The following OR10H1 variants were observed in gnomAD, a reference collection of about 807,000 sequenced individuals.
The protein encoded by OR10H1 is olfactory receptor family 10 subfamily H member 1.
OR10H1 carries 12 observed loss-of-function variants against 13.1 expected under a neutral mutation model. The observed-to-expected ratio is 0.92, with a 90% confidence interval of 0.59 to 1.48. The LOEUF (loss-of-function observed/expected upper bound fraction) is 1.48. Among genes scored for constraint, OR10H1 ranks in the 40% most tolerant of loss-of-function variants. OR10H1 has a pLI of 0.00. For missense variants in OR10H1, 363 were observed against 413.1 expected, an observed-to-expected ratio of 0.88 and a Z score of 1.05; for synonymous variants, 168 against 175.6, an observed-to-expected ratio of 0.96 and a Z score of 0.34.
Position 15,812,663 on chromosome 19 carries a change from G to A in OR10H1, c.-562C>T, listed in dbSNP as rs1207507308. ...AGGAAGGAAGAAAGGGAGGGAGGGA[G>A]GCAGGAAGGAAGGAAGGAGAGTGAG... On this transcript the variant is annotated 5_prime_UTR_variant, in exon 2 of 4. Coordinates refer to ENST00000641419, the MANE Select transcript of OR10H1 (RefSeq NM_013940.4). 2 of 146,830 alleles carry A rather than the reference G, an allele frequency of 1.4e-5. No individual in the cohort carries two copies. Among genetic ancestry groups the A allele is most frequent in the Non-Finnish European group, 3.0e-5 (2 of 66,782 alleles). The allele number at this position is 146,830 out of a possible 1,614,324, so 9.1% of individuals were successfully genotyped here. A position where few individuals can be genotyped will look rare whatever the true frequency, so the allele number is the denominator to read the frequency against.
At position 15,806,780 on chromosome 19, in the gene OR10H1, T is replaced by C; in HGVS notation, c.*301A>G. ...TCTCACTCTGTCGCCCAGGCTGGAG[T>C]GCAGTGGTGTGATCTCAGCTCACTG... On this transcript the variant is annotated 3_prime_UTR_variant, in exon 4 of 4. Coordinates refer to ENST00000641419, the MANE Select transcript of OR10H1 (RefSeq NM_013940.4). 3.2e-6 allele frequency: 1 copy of C among 309,942 alleles called. No homozygotes were observed. The highest frequency in any genetic ancestry group is 6.0e-6 in the Non-Finnish European group (1 of 166,350). The allele number at this position is 309,942 out of a possible 1,614,324, so 19.2% of individuals were successfully genotyped here. A position where few individuals can be genotyped will look rare whatever the true frequency, so the allele number is the denominator to read the frequency against.
chr19:15,811,467 GC>G (rs1168961476), intron 2 of OR10H1, among the ~76,000 whole-genome samples: 3 of 152,052 alleles, frequency 2.0e-5, no homozygotes, highest in Admixed American at 1.3e-4. Context: ...TCAACTCAAT[GC>G]CAGCAGCCAT....
chr19:15,815,500 G>A (rs1386942307), intron 1 of OR10H1, 55 bp downstream of exon 1: 2 of 152,276 alleles, frequency 1.3e-5, no homozygotes, highest in Admixed American at 6.5e-5. Flanking sequence ...TCCCTGGCAG[G>A]TGCTGGTTCC....
rs2088907089 is a variant in OR10H1, at chr19:15,807,590, C to T, written c.448G>A (p.Ala150Thr). 6.2e-7 allele frequency: 1 copy of T among 1,614,230 alleles called. No individual in the cohort carries two copies. Among genetic ancestry groups the T allele is most frequent in the Non-Finnish European group, 8.5e-7 (1 of 1,180,044 alleles). The change falls in exon 4 of 4, where the codon GCT (alanine) becomes ACT (threonine). Residue 150 changes from alanine (A) to threonine (T), a missense_variant. Physicochemically the swap from Ala to Thr is moderately conservative, Grantham distance 58. Coordinates refer to ENST00000641419, the MANE Select transcript of OR10H1 (RefSeq NM_013940.4). The part of the protein sequence containing the change: ...GCACLVGCSW[A>T]GGLVMGMVVT... ...ACCATCCCCATGACCAAGCCACCAG[C>T]CCAGGAGCAGCCCACCAGGCAGGCG...
chr19:15,807,578 C>T lies in OR10H1; in HGVS notation c.460G>A (p.Val154Ile). Residue 154 changes from valine to isoleucine, a missense_variant, in exon 4 of 4, where the codon GTC becomes ATC. Coordinates refer to ENST00000641419, the MANE Select transcript of OR10H1 (RefSeq NM_013940.4). The part of the protein sequence containing the change: ...LVGCSWAGGL[V>I]MGMVVTSAIF... ...GCCGAGGTCACCACCATCCCCATGA[C>T]CAAGCCACCAGCCCAGGAGCAGCCC... 6.2e-7 allele frequency: 1 copy of T among 1,614,232 alleles called. No homozygotes were observed. Among genetic ancestry groups the T allele is most frequent in the Non-Finnish European group, 8.5e-7 (1 of 1,180,050 alleles).
chr19:15,807,772 T>G lies in OR10H1; in HGVS notation c.266A>C (p.Gln89Pro). The change falls in exon 4 of 4, where the codon CAG (glutamine) becomes CCG (proline). Residue 89 changes from glutamine (Q) to proline (P), a missense_variant. Physicochemically the swap from Gln to Pro is moderately conservative, Grantham distance 76 (BLOSUM62 -1). This residue lies in a region of OR10H1 where 318 missense variants were observed against 366.6 expected (regional missense o/e 0.87). Transcript: ENST00000641419. ...PRMLADLLST[Q>P]RSIAFLACAS... ...ACAGGCCAGGAAGGCGATGGAGCGC[T>G]GGGTGGACAGCAGGTCGGCCAGCAT... The G allele has an allele frequency of 6.2e-7, 1 of 1,608,238 alleles. No homozygotes were observed. The highest frequency in any genetic ancestry group is 8.5e-7 in the Non-Finnish European group (1 of 1,175,978).
In OR10H1 at chr19:15,805,679, C is replaced by G. The variant is rs1006472191; in HGVS notation, c.*1402G>C. ...CCCAGGCTGCTCTTGAACTCCTGAC[C>G]TCAGGGGATCCACCCACCTTGGCCT... is the stretch of plus-strand genomic sequence containing the variant. On this transcript the variant is annotated 3_prime_UTR_variant, in exon 4 of 4. Coordinates refer to ENST00000641419, the MANE Select transcript of OR10H1 (RefSeq NM_013940.4). 1 of 152,152 alleles carries G rather than the reference C, an allele frequency of 6.6e-6. No homozygotes were observed. The highest frequency in any genetic ancestry group is 2.4e-5 in the African/African-American group (1 of 41,386). 9.4% of individuals were successfully genotyped at this position (152,152 alleles called of 1,614,324 possible). A position where few individuals can be genotyped will look rare whatever the true frequency, so the allele number is the denominator to read the frequency against.
chr19:15,812,899 G>C (rs1233922273), intron 1 of OR10H1, 21 bp from the exon 2 acceptor site: 1 of 152,156 alleles, frequency 6.6e-6, no homozygotes, highest in Non-Finnish European at 1.5e-5. Flanking sequence ...CAAAACCATG[G>C]AGACAGCAAA....
intron 2 of OR10H1, among the ~76,000 whole-genome samples, chr19:15,810,293 CAAAAAAA>C (rs56079033): frequency 1.9e-5 from 2 of 107,344 alleles, no homozygotes; most frequent in East Asian, 5.3e-4. Flanking sequence ...GACTCCTTCT[CAAAAAAA>C]AAAAAAAAAA....
rs958040906 is a variant in OR10H1, at chr19:15,806,153, G to C, written c.*928C>G. On this transcript the variant is annotated 3_prime_UTR_variant, in exon 4 of 4. Coordinates refer to ENST00000641419, the MANE Select transcript of OR10H1 (RefSeq NM_013940.4). ...TTTGCATTGCTGGTTTGCATTATTG[G>C]GGGTATTAGATGACCCTGGCTTTTG... 6.6e-6 allele frequency: 1 copy of C among 152,086 alleles called. No individual in the cohort carries two copies. Among genetic ancestry groups the C allele is most frequent in the East Asian group, 1.9e-4 (1 of 5,194 alleles). 9.4% of individuals were successfully genotyped at this position (152,086 alleles called of 1,614,324 possible).
intron 3 of OR10H1, 40 bp from the exon 4 acceptor site, chr19:15,808,088 G>T: frequency 6.6e-7 from 1 of 1,525,412 alleles, no homozygotes. Flanking sequence ...GTTACTGCAT[G>T]AAGAAAAGTT....
Position 15,807,857 on chromosome 19 carries a change from G to A in OR10H1, c.181C>T (p.Leu61Phe), listed in dbSNP as rs545411328. 3 of 1,612,498 alleles carry A rather than the reference G, an allele frequency of 1.9e-6. No individual in the cohort carries two copies. Among genetic ancestry groups the A allele is most frequent in the Admixed American group, 3.3e-5 (2 of 60,000 alleles). ...GAGACGGAGAGGGCGCACAGGAAGA[G>A]GTACATGGGCGTGTGGAGGCTGCGC... ...SERSLHTPMY[L>F]FLCALSVSEI... is the part of the protein sequence containing the mutation. The change falls in exon 4 of 4, where the codon CTC (leucine) becomes TTC (phenylalanine). Residue 61 changes from leucine (L) to phenylalanine (F), a missense_variant. Leu to Phe is a conservative substitution (Grantham distance 22). Transcript: ENST00000641419.
chr19:15,813,738 G>A (rs1310536311), intron 1 of OR10H1, among the ~76,000 whole-genome samples: 1 of 146,164 alleles, frequency 6.8e-6, no homozygotes, highest in East Asian at 2.1e-4. Context: ...AGAGAAGTGG[G>A]GAGAGAGACA....
Position 15,807,863 on chromosome 19 carries a change from T to C in OR10H1, c.175A>G (p.Met59Val). The change falls in exon 4 of 4, where the codon ATG becomes GTG. Residue 59 changes from methionine (M) to valine (V), a missense_variant. Physicochemically the swap from Met to Val is conservative, Grantham distance 21. Coordinates refer to ENST00000641419, the MANE Select transcript of OR10H1 (RefSeq NM_013940.4). Reference sequence around the variant, plus strand: ...GAGAGGGCGCACAGGAAGAGGTACATGGGCGTGTGGAGGCTGCGCTCGCTC... The same window carrying C: ...GAGAGGGCGCACAGGAAGAGGTACACGGGCGTGTGGAGGCTGCGCTCGCTC... Reference protein sequence around the residue: ...VWSERSLHTPMYLFLCALSVS... With the variant: ...VWSERSLHTPVYLFLCALSVS... 3 of 1,613,242 alleles carry C rather than the reference T, an allele frequency of 1.9e-6. No homozygotes were observed. The highest frequency in any genetic ancestry group is 2.5e-6 in the Non-Finnish European group (3 of 1,179,538).
chr19:15,808,870 A>T (rs2088918354), intron 2 of OR10H1, 29 bp from the exon 3 acceptor site: 1 of 152,112 alleles, frequency 6.6e-6, no homozygotes, highest in Admixed American at 6.6e-5. Flanking sequence ...AAATAAATAA[A>T]TAAAAAGAAG....
At position 15,813,564 on chromosome 19, in the gene OR10H1, AAG is replaced by A. The variant is rs60187069; in HGVS notation, c.-777-688_-777-687del. On this transcript the variant is annotated intron_variant, in intron 1 of 3. Coordinates refer to ENST00000641419, the MANE Select transcript of OR10H1 (RefSeq NM_013940.4). Reference sequence around the variant, plus strand: ...AAAGAAAGAGAGGTGGGGAGAGAGAAAGAGAGAGACAGAGAGGTGGAGACACA... The same window carrying A: ...AAAGAAAGAGAGGTGGGGAGAGAGAAAGAGAGACAGAGAGGTGGAGACACA... Among the ~76,000 whole-genome samples the A allele has an allele frequency of 6.8e-3, 738 of 108,938 alleles. 10 individuals are homozygous for A. Among genetic ancestry groups the A allele is most frequent in the African/African-American group, 0.025 (696 of 27,996 alleles). The allele number at this position is 108,938 out of a possible 152,430, so 71.5% of individuals were successfully genotyped here.
intron 2 of OR10H1, among the ~76,000 whole-genome samples, chr19:15,809,318 T>C (rs2088920605): frequency 6.6e-6 from 1 of 151,902 alleles, no homozygotes; most frequent in Non-Finnish European, 1.5e-5. Flanking sequence ...AGAGACAGAG[T>C]TTCATTCTGT....
intron 2 of OR10H1, among the ~76,000 whole-genome samples, chr19:15,811,736 C>T (rs2088933475): frequency 6.6e-6 from 1 of 152,184 alleles, no homozygotes; most frequent in African/African-American, 2.4e-5. Flanking sequence ...GCCACCCATT[C>T]CTGGGTGCTT....
chr19:15,807,056 T>TG lies in OR10H1; in HGVS notation c.*24_*25insC, dbSNP rs2088899864. The TG allele has an allele frequency of 6.3e-7, 1 of 1,582,626 alleles. No individual in the cohort carries two copies. The highest frequency in any genetic ancestry group is 1.4e-5 in the African/African-American group (1 of 73,892). ...TTAACAATAGCCTTCGGTAATCCAATTTAGTTGTTCCCAGTGAATTTCTCC... is the reference window on the plus strand; with the variant it reads ...TTAACAATAGCCTTCGGTAATCCAATGTTAGTTGTTCCCAGTGAATTTCTCC... On this transcript the variant is annotated 3_prime_UTR_variant, in exon 4 of 4. Coordinates refer to ENST00000641419, the MANE Select transcript of OR10H1 (RefSeq NM_013940.4).
Sources: gnomAD v4.1 joint callset for allele counts (sites outside exome capture counted in the v4.1 genomes callset) on GRCh38, gnomAD v4.1.1 for gene constraint, gnomAD v4.1.1 regional missense constraint, MANE v1.5 for transcripts, NCBI Gene and HGNC (gene_info 2026-07-23, HGNC 2026-07-21) for gene names.